Variants in LHFPL2 observed in about 807,000 individuals in gnomAD.
LHFPL2 encodes LHFPL tetraspan subfamily member 2, also known as LHFPL tetraspan subfamily member 2 protein.
LHFPL2 carries 7 observed loss-of-function variants against 17.5 expected under a neutral mutation model. That is an observed-to-expected ratio of 0.40 (90% CI 0.23 to 0.75). LHFPL2 has a LOEUF of 0.75. Among genes scored for constraint, LHFPL2 ranks in the 30% least tolerant of loss-of-function variants. LHFPL2 has a pLI of 0.37. For synonymous variants in LHFPL2, 134 were observed against 116.2 expected, an observed-to-expected ratio of 1.15 and a Z score of -0.99; for missense variants, 241 against 294.8, an observed-to-expected ratio of 0.82 and a Z score of 1.34.
intron 2 of LHFPL2, among the ~76,000 whole-genome samples, chr5:78,577,322 G>T (rs1453897246): frequency 6.6e-6 from 1 of 152,162 alleles, no homozygotes; most frequent in Non-Finnish European, 1.5e-5. Context: ...CCTCCAAGCA[G>T]ACTTACTTAA....
intron 2 of LHFPL2, among the ~76,000 whole-genome samples, chr5:78,578,236 T>C (rs762362811): frequency 6.6e-6 from 1 of 152,242 alleles, no homozygotes; most frequent in Non-Finnish European, 1.5e-5. Context: ...GCCAGCACAT[T>C]ATCTTTTTGA....
chr5:78,568,796 T>G (rs757256476), intron 2 of LHFPL2, among the ~76,000 whole-genome samples: 1 of 152,092 alleles, frequency 6.6e-6, no homozygotes, highest in African/African-American at 2.4e-5. Context: ...TCTATGCCCA[T>G]CCACAGCAAG....
intron 2 of LHFPL2, among the ~76,000 whole-genome samples, chr5:78,584,995 G>GTTTTTTTTTTT (rs1163195083): frequency 4.9e-5 from 2 of 40,504 alleles, no homozygotes; most frequent in African/African-American, 1.6e-4. Flanking sequence ...GGTGCGCTGT[G>GTTTTTTTTTTT]TTTTTTTTTT....
intron 3 of LHFPL2, among the ~76,000 whole-genome samples, chr5:78,558,142 G>T (rs533698985): frequency 1.3e-5 from 2 of 152,284 alleles, no homozygotes; most frequent in South Asian, 2.1e-4. Flanking sequence ...GGCAAGCAGG[G>T]TTTGCTGTGG....
rs1045827089 is a variant in LHFPL2 at position 78,488,895 on chromosome 5, A to T, written c.*2T>A. 3 of 1,613,702 alleles carry T rather than the reference A, an allele frequency of 1.9e-6. No individual in the cohort carries two copies. Among genetic ancestry groups the T allele is most frequent in the African/African-American group, 2.7e-5 (2 of 74,944 alleles). On this transcript the variant is annotated 3_prime_UTR_variant, in exon 5 of 5. Coordinates refer to ENST00000380345, the MANE Select transcript of LHFPL2 (RefSeq NM_005779.3). Reference sequence around the variant, plus strand: ...GGAGAAAATGGCATTGTCTCTTCCAAACTAAAGGAGGCAGATCAGATTTTT... The same window carrying T: ...GGAGAAAATGGCATTGTCTCTTCCATACTAAAGGAGGCAGATCAGATTTTT...
Position 78,564,825 on chromosome 5 carries a change from G to T in LHFPL2, c.-198C>A, listed in dbSNP as rs1756817704. ...TTCATTTACTTACCTATTTATATCT[G>T]TAGGAATGCTGGGAAGTCTTAATGA... On this transcript the variant is annotated 5_prime_UTR_variant, in exon 3 of 5. Coordinates refer to ENST00000380345, the MANE Select transcript of LHFPL2 (RefSeq NM_005779.3). 1 of 152,146 alleles carries T rather than the reference G, an allele frequency of 6.6e-6. No individual in the cohort carries two copies. The highest frequency in any genetic ancestry group is 6.5e-5 in the Admixed American group (1 of 15,280). 9.4% of individuals were successfully genotyped at this position (152,146 alleles called of 1,614,324 possible).
chr5:78,602,387 T>G (rs1241863292), intron 2 of LHFPL2, among the ~76,000 whole-genome samples: 1 of 152,244 alleles, frequency 6.6e-6, no homozygotes, highest in Non-Finnish European at 1.5e-5. Context: ...AAAGGCATTT[T>G]ATTAAGCTAA....
At chr5:78,627,124 T>C (rs1023487635) in intron 2 of LHFPL2, among the ~76,000 whole-genome samples, 1 of 151,724 alleles carries the variant, frequency 6.6e-6, no homozygotes, top group Non-Finnish European at 1.5e-5. Context: ...TAAGCAGAAA[T>C]GTATGCAGTA....
At position 78,492,409 on chromosome 5, in the gene LHFPL2, G is replaced by A. The variant is rs549208013; in HGVS notation, c.431-3256C>T. ...GCTCTGCCACCTTGTGTCAGGCTCTGCCTAGTTTGTAAGGCACAAAAAATA... is the reference window on the plus strand; with the variant it reads ...GCTCTGCCACCTTGTGTCAGGCTCTACCTAGTTTGTAAGGCACAAAAAATA... On this transcript the variant is annotated intron_variant, in intron 4 of 4. Transcript: ENST00000380345. Among the ~76,000 whole-genome samples, 7 of 152,328 alleles carry A rather than the reference G, an allele frequency of 4.6e-5. No homozygotes were observed. The South Asian group carries it at 1.4e-3, about 32-fold the overall frequency.
chr5:78,562,496 A>G (rs889581499), intron 3 of LHFPL2, among the ~76,000 whole-genome samples: 5 of 152,150 alleles, frequency 3.3e-5, no homozygotes, highest in African/African-American at 1.2e-4. Flanking sequence ...TTAGCTGGGC[A>G]TGGTGGCAGA....
intron 3 of LHFPL2, among the ~76,000 whole-genome samples, chr5:78,521,754 C>T (rs1467092378): frequency 6.6e-6 from 1 of 152,232 alleles, no homozygotes; most frequent in African/African-American, 2.4e-5. Flanking sequence ...ATGACCCAAA[C>T]ACGTCCACTT....
intron 2 of LHFPL2, among the ~76,000 whole-genome samples, chr5:78,620,260 T>C (rs1181731295): frequency 4.0e-5 from 6 of 151,764 alleles, no homozygotes; most frequent in African/African-American, 1.5e-4. Context: ...TGGCCAGTGA[T>C]GGTGAGCATT....
At chr5:78,596,357 C>T (rs115890993) in intron 2 of LHFPL2, among the ~76,000 whole-genome samples, 2,469 of 152,270 alleles carry the variant, frequency 0.016, 72 homozygotes, top group African/African-American at 0.056. Flanking sequence ...GCCTAGAGGA[C>T]GACCTTTCTG....
intron 4 of LHFPL2, among the ~76,000 whole-genome samples, chr5:78,496,454 CTT>C (rs1453912512): frequency 2.0e-5 from 3 of 152,216 alleles, no homozygotes; most frequent in Non-Finnish European, 2.9e-5. Flanking sequence ...ATCAATTTCT[CTT>C]ATAACATTTT....
chr5:78,614,992 T>C (rs964595317), intron 2 of LHFPL2, among the ~76,000 whole-genome samples: 4 of 152,236 alleles, frequency 2.6e-5, no homozygotes, highest in South Asian at 2.1e-4. Context: ...TACTAGCTTG[T>C]TTTATCTTAG....
At chr5:78,612,224 AG>A (rs1423775618) in intron 2 of LHFPL2, among the ~76,000 whole-genome samples, 1 of 152,226 alleles carries the variant, frequency 6.6e-6, no homozygotes, top group Non-Finnish European at 1.5e-5. Context: ...CCGATTAAAG[AG>A]GGTTTTTTAA....
chr5:78,640,814 C>T (rs1397171181), intron 1 of LHFPL2, among the ~76,000 whole-genome samples: 1 of 152,116 alleles, frequency 6.6e-6, no homozygotes, highest in East Asian at 1.9e-4. Context: ...CTGGACTTAC[C>T]CTAAATCCAC....
At chr5:78,585,590 T>A (rs751682906) in intron 2 of LHFPL2, among the ~76,000 whole-genome samples, 1 of 152,154 alleles carries the variant, frequency 6.6e-6, no homozygotes, top group African/African-American at 2.4e-5. Flanking sequence ...TGCTGGGAGC[T>A]GCATACTGGA....
chr5:78,534,519 G>A (rs866123143), intron 3 of LHFPL2, among the ~76,000 whole-genome samples: 13 of 152,196 alleles, frequency 8.5e-5, no homozygotes, highest in African/African-American at 2.9e-4. Context: ...CCTCCCCAGC[G>A]CTGACTCACT....
Sources: allele counts gnomAD v4.1 joint callset (sites outside exome capture counted in the v4.1 genomes callset), GRCh38; gene constraint gnomAD v4.1.1; transcripts MANE v1.5; gene names NCBI Gene and HGNC (gene_info 2026-07-23, HGNC 2026-07-21).